GRAMD1B: variants seen among roughly 807,000 people sequenced by gnomAD.
GRAMD1B encodes the protein protein Aster-B.
Under a neutral mutation model 99.7 loss-of-function variants are expected in GRAMD1B, and 37 were observed. The observed-to-expected ratio is 0.37, with a 90% CI of 0.29 to 0.49. The LOEUF (loss-of-function observed/expected upper bound fraction) is 0.49, where lower values mean the gene tolerates loss of function less well. Among genes scored for constraint, GRAMD1B ranks in the 20% least tolerant of loss-of-function variants. GRAMD1B has a pLI of 0.98. For missense variants in GRAMD1B, 888 were observed against 1,009.2 expected (o/e 0.88, Z 1.63); for synonymous variants, 427 against 387.6 (o/e 1.10, Z -1.19).
intron 17 of GRAMD1B, chr11:123,618,428 T>A: frequency 7.0e-7 from 1 of 1,420,790 alleles, no homozygotes; most frequent in Non-Finnish European, 1.0e-6. Flanking sequence ...TTCCCCCAGG[T>A]GCCCAGGTTC....
intron 2 of GRAMD1B, chr11:123,525,747 G>A (rs901316896): frequency 2.4e-5 from 6 of 245,996 alleles, no homozygotes; most frequent in Non-Finnish European, 4.8e-5. Flanking sequence ...AAGCAGCTCA[G>A]AGCTGGTATG....
chr11:123,613,035 A>G (rs1953808514), intron 15 of GRAMD1B, 171 bp downstream of exon 15: 1 of 598,344 alleles, frequency 1.7e-6, no homozygotes, highest in Admixed American at 3.0e-5. Flanking sequence ...TTTGGCATGT[A>G]TGTGGACAAG....
chr11:123,529,217 G>A (rs572909157), intron 2 of GRAMD1B, among the ~76,000 whole-genome samples: 1 of 152,326 alleles, frequency 6.6e-6, no homozygotes, highest in Non-Finnish European at 1.5e-5. Flanking sequence ...GGACAGATAA[G>A]TGCGGTGAAC....
chr11:123,592,105 G>C (rs1950726684), intron 4 of GRAMD1B, among the ~76,000 whole-genome samples: 1 of 152,188 alleles, frequency 6.6e-6, no homozygotes, highest in South Asian at 2.1e-4. Flanking sequence ...CTGACATCCG[G>C]TTTCACCTGA....
chr11:123,560,715 T>C, intron 2 of GRAMD1B: 2 of 454,536 alleles, frequency 4.4e-6, no homozygotes, highest in Non-Finnish European at 8.8e-6. Flanking sequence ...TGTGTGTGTG[T>C]GTGTGTGTGT....
intron 1 of GRAMD1B, among the ~76,000 whole-genome samples, chr11:123,367,913 GT>G (rs1946375879): frequency 6.6e-6 from 1 of 152,054 alleles, no homozygotes; most frequent in African/African-American, 2.4e-5. Context: ...TTAAAGAATA[GT>G]CATCAAAATT....
chr11:123,445,644 C>G (rs1203842553), intron 1 of GRAMD1B, among the ~76,000 whole-genome samples: 1 of 151,842 alleles, frequency 6.6e-6, no homozygotes, highest in East Asian at 1.9e-4. Flanking sequence ...GGTGAAACCC[C>G]CTCTCTACCA....
intron 1 of GRAMD1B, among the ~76,000 whole-genome samples, chr11:123,470,180 A>G (rs1438274529): frequency 2.0e-5 from 3 of 152,166 alleles, no homozygotes; most frequent in Non-Finnish European, 4.4e-5. Flanking sequence ...GCCCACATGC[A>G]AGAGTGAAAT....
chr11:123,426,699 C>A (rs1399233961), upstream of GRAMD1B, among the ~76,000 whole-genome samples: 1 of 152,136 alleles, frequency 6.6e-6, no homozygotes, highest in East Asian at 1.9e-4. Flanking sequence ...ATTCCTGTGT[C>A]TTTGGGAGTT....
intron 1 of GRAMD1B, among the ~76,000 whole-genome samples, chr11:123,468,673 T>A (rs1266304366): frequency 6.6e-6 from 1 of 151,368 alleles, no homozygotes; most frequent in African/African-American, 2.4e-5. Flanking sequence ...GGCACAACTG[T>A]ATAGTCCCAG....
At chr11:123,618,613 G>A in intron 17 of GRAMD1B, 80 bp from the exon 18 acceptor site, 1 of 870,784 alleles carries the variant, frequency 1.1e-6, no homozygotes, top group Non-Finnish European at 1.9e-6. Context: ...GTCAGGGACA[G>A]CAGCCTCTGG....
chr11:123,390,212 A>G (rs866872039), intron 1 of GRAMD1B, among the ~76,000 whole-genome samples: 1 of 151,996 alleles, frequency 6.6e-6, no homozygotes, highest in Non-Finnish European at 1.5e-5. Flanking sequence ...ATGGTGTTTG[A>G]TATTGATTTC....
At chr11:123,459,059 A>G (rs963352044) in intron 1 of GRAMD1B, 2 of 152,192 alleles carry the variant, frequency 1.3e-5, no homozygotes, top group African/African-American at 4.8e-5. Context: ...AGTTTGGAAA[A>G]GTGTTTCTAG....
intron 1 of GRAMD1B, among the ~76,000 whole-genome samples, chr11:123,390,571 TC>T (rs1222593071): frequency 1.3e-5 from 2 of 152,238 alleles, no homozygotes; most frequent in Non-Finnish European, 2.9e-5. Context: ...ATGGGTCAAA[TC>T]CGTGTGTAAT....
chr11:123,477,733 C>T (rs991096589), intron 1 of GRAMD1B, among the ~76,000 whole-genome samples: 7 of 145,804 alleles, frequency 4.8e-5, no homozygotes, highest in Admixed American at 2.1e-4. Flanking sequence ...CCTTTCTCTT[C>T]CCTTCCCTTT....
intron 1 of GRAMD1B, among the ~76,000 whole-genome samples, chr11:123,436,847 C>T (rs188686032): frequency 2.0e-5 from 3 of 152,152 alleles, no homozygotes; most frequent in Non-Finnish European, 4.4e-5. Context: ...TGGTGTGCTG[C>T]ACCCATTAAC....
Position 123,411,165 on chromosome 11 carries a change from C to T in GRAMD1B, c.-176+52366C>T, listed in dbSNP as rs563307480. On this transcript the variant is annotated intron_variant, in intron 1 of 20. Transcript: ENST00000638157. ...GACTATAGGCGCCCGCCACCACACC[C>T]GGCTAATTTTTTGTATATTTAGTAG... Among the ~76,000 whole-genome samples, 492 of 152,108 alleles carry T rather than the reference C, an allele frequency of 3.2e-3. 5 individuals are homozygous for T. Among genetic ancestry groups the T allele is most frequent in the African/African-American group, 0.011 (463 of 41,502 alleles).
intron 1 of GRAMD1B, among the ~76,000 whole-genome samples, chr11:123,368,679 CAA>C (rs58877377): frequency 2.6e-5 from 2 of 78,062 alleles, no homozygotes; most frequent in African/African-American, 5.4e-5. Flanking sequence ...GACTCTGTCT[CAA>C]AAAAAAAAAA....
At chr11:123,585,345 A>G (rs1949960639) in intron 4 of GRAMD1B, among the ~76,000 whole-genome samples, 1 of 152,082 alleles carries the variant, frequency 6.6e-6, no homozygotes, top group African/African-American at 2.4e-5. Flanking sequence ...GTGTTTTCCT[A>G]CTTGGCGCTG....
Sources: allele counts gnomAD v4.1 joint callset (sites outside exome capture counted in the v4.1 genomes callset), GRCh38; gene constraint gnomAD v4.1.1; transcripts MANE v1.5; gene names NCBI Gene and HGNC (gene_info 2026-07-23, HGNC 2026-07-21).